The following ATF6 variants were observed in gnomAD, a reference collection of about 807,000 sequenced individuals.
ATF6 encodes the protein activating transcription factor 6.
Under a neutral mutation model 83.6 loss-of-function variants are expected in ATF6, and 53 were observed. The observed-to-expected ratio is 0.63, with a 90% CI of 0.51 to 0.80. The LOEUF (loss-of-function observed/expected upper bound fraction) is 0.80, where lower values mean the gene tolerates loss of function less well. Among genes scored for constraint, ATF6 ranks in the 30% least tolerant of loss-of-function variants. ATF6 has a pLI of 0.00. For missense variants in ATF6, 744 were observed against 797.9 expected (o/e 0.93, Z 0.81); for synonymous variants, 288 against 285.8 (o/e 1.01, Z -0.08).
In ATF6 at chr1:161,873,038, A is replaced by G. The variant is rs374410632; in HGVS notation, c.1719+9726A>G. On this transcript the variant is annotated intron_variant, in intron 14 of 15. Coordinates refer to ENST00000367942, the MANE Select transcript of ATF6 (RefSeq NM_007348.4). ...AAACAAGTCATTGTTCCTCCTCTGT[A>G]TTGTTTTCTGTTTAAAGTAAAAGCA... 1.5e-4 allele frequency among the ~76,000 whole-genome samples: 23 copies of G among 151,652 alleles called. No homozygotes were observed. The South Asian group carries it at 4.6e-3, about 30-fold the overall frequency.
At chr1:161,942,171 T>C (rs1049865783) in intron 15 of ATF6, among the ~76,000 whole-genome samples, 1 of 152,228 alleles carries the variant, frequency 6.6e-6, no homozygotes, top group Non-Finnish European at 1.5e-5. Flanking sequence ...TCTCGTTTCA[T>C]ACAGTGGTGT....
intron 4 of ATF6, among the ~76,000 whole-genome samples, chr1:161,788,772 A>G (rs1684804731): frequency 1.3e-5 from 2 of 152,106 alleles, no homozygotes; most frequent in Admixed American, 1.3e-4. Flanking sequence ...AATTTTCTCT[A>G]TAAAATGAAT....
intron 4 of ATF6, among the ~76,000 whole-genome samples, chr1:161,785,236 CTCTT>C (rs1361275742): frequency 2.6e-5 from 4 of 152,168 alleles, no homozygotes; most frequent in Admixed American, 6.5e-5. Context: ...TTTGCACATC[CTCTT>C]TCTTCTGCCT....
chr1:161,913,802 A>G (rs1371090551), intron 15 of ATF6, among the ~76,000 whole-genome samples: 1 of 152,224 alleles, frequency 6.6e-6, no homozygotes, highest in Non-Finnish European at 1.5e-5. Flanking sequence ...GAATAGACCA[A>G]AGGGTCAGCT....
chr1:161,778,432 G>A (rs536902098), intron 2 of ATF6, 112 bp downstream of exon 2: 95 of 726,834 alleles, frequency 1.3e-4, no homozygotes, highest in Non-Finnish European at 1.3e-4. Context: ...CATACTTAAT[G>A]GTAAATAGCT....
chr1:161,826,152 C>T (rs1284636710), intron 9 of ATF6, among the ~76,000 whole-genome samples: 2 of 152,034 alleles, frequency 1.3e-5, no homozygotes, highest in African/African-American at 2.4e-5. Context: ...AGGCTTTATG[C>T]AGTAGTACTC....
chr1:161,769,888 C>G (rs1684345908), intron 1 of ATF6, among the ~76,000 whole-genome samples: 1 of 152,152 alleles, frequency 6.6e-6, no homozygotes. Context: ...GCTGTAAATA[C>G]AGATGAAGCT....
chr1:161,800,540 A>C (rs996507912), intron 6 of ATF6, among the ~76,000 whole-genome samples: 1 of 152,168 alleles, frequency 6.6e-6, no homozygotes, highest in Non-Finnish European at 1.5e-5. Context: ...ACTTAACAAA[A>C]ATTATGACAT....
At chr1:161,891,070 G>A (rs1356692605) in intron 14 of ATF6, 2 of 152,230 alleles carry the variant, frequency 1.3e-5, no homozygotes, top group South Asian at 2.1e-4. Context: ...CTGAATAGCC[G>A]AGTTCAGGAG....
chr1:161,929,374 A>G (rs1289138561), intron 15 of ATF6, among the ~76,000 whole-genome samples: 1 of 152,196 alleles, frequency 6.6e-6, no homozygotes, highest in African/African-American at 2.4e-5. Context: ...AACCAAAGCC[A>G]TGGCTGGCCC....
At chr1:161,854,503 T>C (rs887194561) in intron 12 of ATF6, among the ~76,000 whole-genome samples, 15 of 152,206 alleles carry the variant, frequency 9.9e-5, no homozygotes, top group African/African-American at 3.4e-4. Context: ...TTCTGTGTGC[T>C]CGAGAAGAAG....
At chr1:161,835,688 T>C (rs1210759529) in intron 9 of ATF6, among the ~76,000 whole-genome samples, 1 of 152,208 alleles carries the variant, frequency 6.6e-6, no homozygotes, top group Non-Finnish European at 1.5e-5. Flanking sequence ...GTTTGTCTCA[T>C]ATACTTGAGG....
chr1:161,843,130 C>T (rs1394069), intron 9 of ATF6, among the ~76,000 whole-genome samples: 14,748 of 152,194 alleles, frequency 0.097, 1,282 homozygotes, highest in East Asian at 0.32. Flanking sequence ...ACGCATGTTC[C>T]GCACACTCAT....
intron 7 of ATF6, among the ~76,000 whole-genome samples, chr1:161,819,023 T>G (rs16849738): frequency 0.14 from 21,170 of 151,400 alleles, 2,017 homozygotes; most frequent in East Asian, 0.31. Flanking sequence ...AGAGAGAAAG[T>G]AATTACTGAG....
At chr1:161,829,104 C>T (rs916461302) in intron 9 of ATF6, among the ~76,000 whole-genome samples, 1 of 151,748 alleles carries the variant, frequency 6.6e-6, no homozygotes, top group Non-Finnish European at 1.5e-5. Flanking sequence ...ATATATGCAT[C>T]CAATGCGGGA....
At position 161,792,143 on chromosome 1, in the gene ATF6, GA is replaced by G. The variant is rs1571134523; in HGVS notation, c.511del (p.Ile171PhefsTer3). ...CTCCAGAAAATGGACTGACTCCAAA[GA>G]AAAAAATTCAGGTGAATTCAAAACC... The part of the protein sequence containing the change: ...NKTENGLTPK[K>X]KIQVNSKPSI... On this transcript the variant is annotated frameshift_variant, in exon 6 of 16. Transcript: ENST00000367942. LOFTEE classifies it high-confidence loss of function. 6.2e-7 allele frequency: 1 copy of G among 1,613,816 alleles called. No homozygotes were observed. The highest frequency in any genetic ancestry group is 8.5e-7 in the Non-Finnish European group (1 of 1,179,982).
At chr1:161,832,334 C>T (rs1686085458) in intron 9 of ATF6, among the ~76,000 whole-genome samples, 1 of 152,154 alleles carries the variant, frequency 6.6e-6, no homozygotes, top group South Asian at 2.1e-4. Context: ...GTGAGCAATG[C>T]AGAAGATGGG....
chr1:161,952,464 A>G (rs1342253610), intron 15 of ATF6, among the ~76,000 whole-genome samples: 1 of 151,834 alleles, frequency 6.6e-6, no homozygotes. Context: ...TTTTCCCCCC[A>G]TAGCACTTAT....
intron 15 of ATF6, among the ~76,000 whole-genome samples, chr1:161,925,355 A>G (rs910092079): frequency 2.6e-5 from 4 of 152,192 alleles, no homozygotes; most frequent in Non-Finnish European, 4.4e-5. Context: ...TATAGTCTTT[A>G]GCTTTTTCAT....
Sources: allele counts gnomAD v4.1 joint callset (sites outside exome capture counted in the v4.1 genomes callset), GRCh38; gene constraint gnomAD v4.1.1; transcripts MANE v1.5; gene names NCBI Gene and HGNC (gene_info 2026-07-23, HGNC 2026-07-21).